The following ARNT2 variants were observed in gnomAD, a reference collection of about 807,000 sequenced individuals.
The protein encoded by ARNT2 is ARNT protein 2.
ARNT2 carries 36 observed loss-of-function variants against 91.7 expected under a neutral mutation model. The observed-to-expected ratio is 0.39, with a 90% CI of 0.30 to 0.52. The LOEUF (loss-of-function observed/expected upper bound fraction) is 0.52. ARNT2 is among the 20% of genes least tolerant of loss of function. The probability of loss-of-function intolerance (pLI) is 0.72; values close to 1 mark genes in which losing one functional copy is unlikely to be tolerated. For missense variants in ARNT2, 775 were observed against 939.3 expected (o/e 0.83, Z 2.29); for synonymous variants, 365 against 347.1 (o/e 1.05, Z -0.57).
At chr15:80,433,768 G>A (rs1436475241) in intron 1 of ARNT2, 2 of 152,240 alleles carry the variant, frequency 1.3e-5, no homozygotes, top group East Asian at 3.9e-4. Context: ...ATGTGTACAT[G>A]AGAACCTTCA....
chr15:80,563,327 C>A (rs951231664), intron 12 of ARNT2, 88 bp downstream of exon 12: 1 of 1,516,900 alleles, frequency 6.6e-7, no homozygotes, highest in Non-Finnish European at 9.1e-7. Context: ...TTCTTTCTCC[C>A]TGCCGGCTCT....
intron 5 of ARNT2, 53 bp from the exon 6 acceptor site, chr15:80,508,103 C>T (rs1897298311): frequency 1.3e-6 from 2 of 1,575,120 alleles, no homozygotes; most frequent in Admixed American, 1.7e-5. Flanking sequence ...CTCCCTCCTC[C>T]ATCTCCCAAC....
intron 12 of ARNT2, among the ~76,000 whole-genome samples, chr15:80,565,736 T>TTCTCATTGA (rs1898468541): frequency 6.6e-6 from 1 of 152,204 alleles, no homozygotes; most frequent in African/African-American, 2.4e-5. Context: ...ATTTGTTTTT[T>TTCTCATTGA]TCTCATTGAT....
chr15:80,576,837 G>C, intron 14 of ARNT2, 29 bp from the exon 15 acceptor site: 1 of 1,612,718 alleles, frequency 6.2e-7, no homozygotes, highest in Non-Finnish European at 8.5e-7. Flanking sequence ...GGGAACCTTC[G>C]CATGTGACTC....
chr15:80,477,835 TAA>T (rs1453073679), intron 5 of ARNT2, among the ~76,000 whole-genome samples: 1 of 152,184 alleles, frequency 6.6e-6, no homozygotes, highest in Admixed American at 6.5e-5. Flanking sequence ...ACACTTATGA[TAA>T]GAGTGAGTTT....
chr15:80,500,153 C>G (rs983698216), intron 5 of ARNT2, among the ~76,000 whole-genome samples: 1 of 152,192 alleles, frequency 6.6e-6, no homozygotes, highest in Admixed American at 6.5e-5. Flanking sequence ...CTCAGGCACA[C>G]TGGTTGGATC....
In ARNT2 at chr15:80,532,052, G is replaced by C. The variant is rs552959617; in HGVS notation, c.877+17647G>C. Among the ~76,000 whole-genome samples, 7 of 152,298 alleles carry C rather than the reference G, an allele frequency of 4.6e-5. 1 individual carries two copies. The East Asian group carries it at 9.6e-4, about 21-fold the overall frequency. ...AGCTTCACAGTGAAAACAAGAACTG[G>C]ATGTGTTCAGCCCCACGTGCCAGGC... is the stretch of plus-strand genomic sequence containing the variant. On this transcript the variant is annotated intron_variant, in intron 8 of 18. Transcript: ENST00000303329.
intron 12 of ARNT2, among the ~76,000 whole-genome samples, chr15:80,566,714 T>G (rs1427740248): frequency 6.6e-6 from 1 of 152,232 alleles, no homozygotes; most frequent in Admixed American, 6.5e-5. Flanking sequence ...TGAAATAACC[T>G]GTTCTCACTG....
intron 8 of ARNT2, among the ~76,000 whole-genome samples, chr15:80,540,219 T>C (rs906380134): frequency 6.6e-6 from 1 of 152,184 alleles, no homozygotes; most frequent in Non-Finnish European, 1.5e-5. Context: ...TTTAACCTCA[T>C]GAGAAACTGC....
intron 1 of ARNT2, among the ~76,000 whole-genome samples, chr15:80,409,321 T>C (rs542306050): frequency 6.6e-6 from 1 of 152,380 alleles, no homozygotes; most frequent in East Asian, 1.9e-4. Context: ...GTAATTGGAT[T>C]CATGCATTAC....
intron 1 of ARNT2, among the ~76,000 whole-genome samples, chr15:80,410,758 AT>A (rs1386271456): frequency 2.9e-3 from 2 of 696 alleles, no homozygotes; most frequent in East Asian, 0.042. Flanking sequence ...ATTCATTTTT[AT>A]CTATCTATCT....
At chr15:80,524,680 T>A (rs748781663) in intron 8 of ARNT2, among the ~76,000 whole-genome samples, 2 of 151,824 alleles carry the variant, frequency 1.3e-5, no homozygotes, top group African/African-American at 4.8e-5. Context: ...ATCGAGACCA[T>A]CCTGGCCAAC....
chr15:80,468,162 C>T (rs1297634890), intron 3 of ARNT2, among the ~76,000 whole-genome samples: 5 of 152,104 alleles, frequency 3.3e-5, no homozygotes, highest in African/African-American at 4.8e-5. Context: ...GCATTTGTGC[C>T]GTGGCTGGTG....
chr15:80,558,912 C>T (rs1250653151), intron 11 of ARNT2, among the ~76,000 whole-genome samples: 2 of 152,158 alleles, frequency 1.3e-5, no homozygotes, highest in Non-Finnish European at 2.9e-5. Context: ...GGAAATGGAG[C>T]TTTAACAGTG....
chr15:80,440,618 A>C (rs1285869376), intron 1 of ARNT2, among the ~76,000 whole-genome samples: 2 of 152,102 alleles, frequency 1.3e-5, no homozygotes, highest in African/African-American at 4.8e-5. Context: ...GTGGGAGGGC[A>C]TCTCCCCGGG....
intron 1 of ARNT2, among the ~76,000 whole-genome samples, chr15:80,424,953 T>C (rs1448111386): frequency 1.3e-5 from 2 of 152,196 alleles, no homozygotes; most frequent in African/African-American, 4.8e-5. Flanking sequence ...TTGTGCAAAA[T>C]AAATCCTTTT....
rs1358114209 is a variant in ARNT2 at position 80,514,548 on chromosome 15, T to C, written c.877+143T>C. ...TGTGGTTAGAACACAATGATCTTTG[T>C]AATTGGAAAACATCCTGCTACTTGA... is the stretch of plus-strand genomic sequence containing the variant. On this transcript the variant is annotated intron_variant, in intron 8 of 18. Transcript: ENST00000303329. 3 of 722,040 alleles carry C rather than the reference T, an allele frequency of 4.2e-6. No individual in the cohort carries two copies. The African/African-American group carries it at 5.3e-5, about 13-fold the overall frequency. The allele number at this position is 722,040 out of a possible 1,614,324, so 44.7% of individuals were successfully genotyped here.
chr15:80,586,736 C>G (rs901741226), intron 17 of ARNT2, among the ~76,000 whole-genome samples: 1 of 150,994 alleles, frequency 6.6e-6, no homozygotes, highest in East Asian at 2.0e-4. Flanking sequence ...CATGGTGGTG[C>G]GCGCTGAGGC....
chr15:80,477,428 G>A (rs1428247204), intron 5 of ARNT2, among the ~76,000 whole-genome samples: 1 of 152,212 alleles, frequency 6.6e-6, no homozygotes, highest in Non-Finnish European at 1.5e-5. Context: ...AAGGCCCCAT[G>A]TCCTAATATC....
Sources: gnomAD v4.1 joint callset for allele counts (sites outside exome capture counted in the v4.1 genomes callset) on GRCh38, gnomAD v4.1.1 for gene constraint, MANE v1.5 for transcripts, NCBI Gene and HGNC (gene_info 2026-07-23, HGNC 2026-07-21) for gene names.